Variants in TMTC4 observed in about 807,000 individuals in gnomAD.
TMTC4 encodes transmembrane O-mannosyltransferase targeting cadherins 4, also known as protein O-mannosyl-transferase TMTC4.
In TMTC4, 65 loss-of-function variants were observed where a neutral mutation model predicts 86.0. That is an observed-to-expected ratio of 0.76 (90% CI 0.62 to 0.93). The LOEUF (loss-of-function observed/expected upper bound fraction) is 0.93, where lower values mean the gene tolerates loss of function less well. Among genes scored for constraint, TMTC4 ranks in the 40% least tolerant of loss-of-function variants. The pLI, the probability that TMTC4 is intolerant of heterozygous loss-of-function variation, is 0.00. For missense variants in TMTC4, 866 were observed against 948.1 expected, an observed-to-expected ratio of 0.91 and a Z score of 1.14; for synonymous variants, 379 against 382.5, an observed-to-expected ratio of 0.99 and a Z score of 0.11.
In TMTC4 at chr13:100,634,831, G is replaced by A. The variant is rs201260883; in HGVS notation, c.1480C>T (p.Leu494=). 1 of 1,614,144 alleles carries A rather than the reference G, an allele frequency of 6.2e-7. No homozygotes were observed. The highest frequency in any genetic ancestry group is 8.5e-7 in the Non-Finnish European group (1 of 1,180,020). Residue 494 remains leucine, a synonymous_variant, in exon 12 of 19, where the codon CTG becomes TTG. Coordinates refer to ENST00000342624, the MANE Select transcript of TMTC4 (RefSeq NM_032813.5). ...TTAGCATTGAGGGGACACACAGACA[G>A]AGCACTTCTGAAAAGCTGTTCCTCA... ...RSEEQLFRSA[L]SVCPLNAKVH...
chr13:100,663,527 T>C (rs1397269940), intron 4 of TMTC4, among the ~76,000 whole-genome samples: 3 of 152,180 alleles, frequency 2.0e-5, no homozygotes, highest in Non-Finnish European at 4.4e-5. Context: ...TTCCACACAC[T>C]ACTCATGGTT....
At chr13:100,643,375 G>A (rs1293376939) in intron 6 of TMTC4, among the ~76,000 whole-genome samples, 1 of 152,194 alleles carries the variant, frequency 6.6e-6, no homozygotes, top group Non-Finnish European at 1.5e-5. Flanking sequence ...CACTCACTGC[G>A]TGACACTGAG....
At chr13:100,626,277 T>C (rs868850443) in intron 12 of TMTC4, 127 bp from the exon 13 acceptor site, 2 of 931,334 alleles carry the variant, frequency 2.1e-6, no homozygotes, top group Middle Eastern at 2.2e-4. Context: ...ACCAGAACTT[T>C]AGCTAAAACC....
intron 6 of TMTC4, among the ~76,000 whole-genome samples, chr13:100,647,399 A>C (rs1566617488): frequency 6.6e-6 from 1 of 152,090 alleles, no homozygotes; most frequent in African/African-American, 2.4e-5. Context: ...CTAGAAACCA[A>C]ATGGACACCC....
At chr13:100,608,951 G>A (rs967076342) in intron 17 of TMTC4, among the ~76,000 whole-genome samples, 1 of 152,202 alleles carries the variant, frequency 6.6e-6, no homozygotes, top group Admixed American at 6.5e-5. Context: ...ATGTCTAGGC[G>A]AGGAAGCCTG....
intron 15 of TMTC4, among the ~76,000 whole-genome samples, chr13:100,618,451 CTT>C (rs1346412785): frequency 2.4e-5 from 2 of 82,438 alleles, no homozygotes; most frequent in African/African-American, 7.9e-5. Context: ...TTTGTTGCTT[CTT>C]GTTTTTTTTT....
chr13:100,674,670 C>A, intron 1 of TMTC4, 74 bp downstream of exon 1: 1 of 983,108 alleles, frequency 1.0e-6, no homozygotes, highest in Non-Finnish European at 1.2e-6. Flanking sequence ...AGCGGGGAAC[C>A]CGCGCCCGCT....
chr13:100,674,357 A>T, intron 1 of TMTC4: 1 of 971,444 alleles, frequency 1.0e-6, no homozygotes. Flanking sequence ...CCCCGCGGCC[A>T]GATGGCCGCT....
intron 12 of TMTC4, among the ~76,000 whole-genome samples, chr13:100,626,845 C>G (rs946665631): frequency 2.0e-5 from 3 of 152,176 alleles, no homozygotes; most frequent in African/African-American, 7.2e-5. Context: ...TATGGACTCT[C>G]AAAATTCAGA....
In TMTC4 at chr13:100,614,389, C is replaced by T. The variant is rs997753336; in HGVS notation, c.1878G>A (p.Trp626Ter). 1 of 1,613,580 alleles carries T rather than the reference C, an allele frequency of 6.2e-7. No individual in the cohort carries two copies. The highest frequency in any genetic ancestry group is 8.5e-7 in the Non-Finnish European group (1 of 1,179,942). ...CTGGTTTCAGCACGGTGGCATTTCT[C>T]CACGCATTCAAGGCATCCACGTGGC... ...LNRHVDALNA[W>*]RNATVLKPEH... Residue 626 changes from tryptophan to a stop codon, truncating the protein, a stop_gained, in exon 16 of 19, where the codon TGG (tryptophan) becomes TGA (stop). Transcript: ENST00000342624. LOFTEE classifies it high-confidence loss of function.
chr13:100,620,940 T>A (rs1157481821), intron 15 of TMTC4, among the ~76,000 whole-genome samples: 1 of 152,230 alleles, frequency 6.6e-6, no homozygotes, highest in Non-Finnish European at 1.5e-5. Flanking sequence ...TTAATGCTTT[T>A]AAGCTGTCAA....
chr13:100,636,521 C>T lies in TMTC4; in HGVS notation c.1202+11G>A. On this transcript the variant is annotated intron_variant, in intron 10 of 18. Transcript: ENST00000342624. ...CCAGCGTGGAACTTAAGATTCAGTG[C>T]TGCCTCTTACCTTCTCTTGTGGCCG... 6.2e-7 allele frequency: 1 copy of T among 1,614,108 alleles called. No homozygotes were observed. The highest frequency in any genetic ancestry group is 8.5e-7 in the Non-Finnish European group (1 of 1,180,012).
At position 100,642,087 on chromosome 13, in the gene TMTC4, C is replaced by T. The variant is rs1029550035; in HGVS notation, c.741+124G>A. The stretch of plus-strand genomic sequence containing the variant: ...CCATTTGTCCAGAAAGGTCTATCAC[C>T]TCAGGCCAGCAATGGGATGTAGGCG... On this transcript the variant is annotated intron_variant, in intron 7 of 18. Coordinates refer to ENST00000342624, the MANE Select transcript of TMTC4 (RefSeq NM_032813.5). 96 of 951,196 alleles carry T rather than the reference C, an allele frequency of 1.0e-4. No individual in the cohort carries two copies. In the African/African-American group the frequency reaches 1.5e-3, roughly 15 times the overall value. The allele number at this position is 951,196 out of a possible 1,614,324, so 58.9% of individuals were successfully genotyped here.
chr13:100,654,600 A>G (rs1023690676), intron 6 of TMTC4, among the ~76,000 whole-genome samples: 1 of 152,022 alleles, frequency 6.6e-6, no homozygotes, highest in Non-Finnish European at 1.5e-5. Flanking sequence ...AATATATATT[A>G]ATATACAAAT....
intron 15 of TMTC4, among the ~76,000 whole-genome samples, chr13:100,621,404 G>A (rs1028165138): frequency 2.6e-5 from 4 of 152,150 alleles, no homozygotes; most frequent in African/African-American, 9.7e-5. Flanking sequence ...AGGAAAAAAA[G>A]GGATGAAAGA....
intron 6 of TMTC4, among the ~76,000 whole-genome samples, chr13:100,655,994 C>T (rs762706384): frequency 1.3e-5 from 2 of 152,172 alleles, no homozygotes; most frequent in African/African-American, 4.8e-5. Flanking sequence ...CTTTCCAAGC[C>T]ACCTTTGGAA....
chr13:100,607,373 C>T (rs555895866), intron 17 of TMTC4, among the ~76,000 whole-genome samples: 185 of 152,098 alleles, frequency 1.2e-3, no homozygotes, highest in Middle Eastern at 3.4e-3. Context: ...AAAAATTAGC[C>T]GGGTGTGGTA....
chr13:100,650,779 C>CA (rs1354021967), intron 6 of TMTC4, among the ~76,000 whole-genome samples: 1 of 152,212 alleles, frequency 6.6e-6, no homozygotes, highest in African/African-American at 2.4e-5. Context: ...ATGCAGTCAG[C>CA]AATGGCCCCA....
chr13:100,652,654 C>T (rs1355206099), intron 6 of TMTC4, among the ~76,000 whole-genome samples: 2 of 151,992 alleles, frequency 1.3e-5, no homozygotes, highest in Non-Finnish European at 2.9e-5. Context: ...GTAAGTAGAA[C>T]AAAGGCCATG....
Sources: allele counts gnomAD v4.1 joint callset (sites outside exome capture counted in the v4.1 genomes callset), GRCh38; gene constraint gnomAD v4.1.1; transcripts MANE v1.5; gene names NCBI Gene and HGNC (gene_info 2026-07-23, HGNC 2026-07-21).